The following CPNE8 variants were observed in gnomAD, a reference collection of about 807,000 sequenced individuals.
CPNE8 encodes the protein copine-8.
Under a neutral mutation model 81.5 loss-of-function variants are expected in CPNE8, and 45 were observed. The observed-to-expected ratio is 0.55, with a 90% CI of 0.44 to 0.71. The LOEUF is 0.71. Ranked by LOEUF, CPNE8 falls within the 30% of genes least tolerant of loss-of-function variation. The probability of loss-of-function intolerance (pLI) is 0.00; values close to 1 mark genes in which losing one functional copy is unlikely to be tolerated. For missense variants in CPNE8, 594 were observed against 672.1 expected, an observed-to-expected ratio of 0.88 and a Z score of 1.28; for synonymous variants, 252 against 226.3, an observed-to-expected ratio of 1.11 and a Z score of -1.02.
At chr12:38,765,589 G>C (rs553668440) in intron 8 of CPNE8, among the ~76,000 whole-genome samples, 1 of 152,126 alleles carries the variant, frequency 6.6e-6, no homozygotes, top group African/African-American at 2.4e-5. Context: ...AATAAAGCTA[G>C]AATCTTTGCA....
chr12:38,864,354 A>G (rs1003886950), intron 3 of CPNE8, among the ~76,000 whole-genome samples: 1 of 152,162 alleles, frequency 6.6e-6, no homozygotes, highest in African/African-American at 2.4e-5. Flanking sequence ...TACAGTAGCT[A>G]GAGAGACTAT....
At chr12:38,833,670 G>T (rs1479158514) in intron 5 of CPNE8, among the ~76,000 whole-genome samples, 1 of 151,774 alleles carries the variant, frequency 6.6e-6, no homozygotes, top group Non-Finnish European at 1.5e-5. Context: ...AGTAGAGACG[G>T]GGTTTCACCG....
chr12:38,754,623 A>G (rs932066478), intron 10 of CPNE8, among the ~76,000 whole-genome samples: 5 of 151,700 alleles, frequency 3.3e-5, no homozygotes, highest in African/African-American at 4.8e-5. Context: ...CACTTCAGGT[A>G]TACTAGATAC....
chr12:38,730,502 A>G, intron 10 of CPNE8, 144 bp from the exon 11 acceptor site: 1 of 471,848 alleles, frequency 2.1e-6, no homozygotes. Flanking sequence ...AAAATATTTA[A>G]AAGGACTAAT....
intron 6 of CPNE8, among the ~76,000 whole-genome samples, chr12:38,786,033 A>T (rs1942177761): frequency 6.6e-6 from 1 of 152,202 alleles, no homozygotes; most frequent in Non-Finnish European, 1.5e-5. Flanking sequence ...AAAAAATAAG[A>T]AAATGACAGG....
intron 1 of CPNE8, among the ~76,000 whole-genome samples, chr12:38,892,476 A>C (rs1229414649): frequency 6.6e-6 from 1 of 152,238 alleles, no homozygotes; most frequent in Non-Finnish European, 1.5e-5. Flanking sequence ...AGAAATGGAA[A>C]GGAGGTGACC....
chr12:38,773,479 A>T (rs868385596), intron 7 of CPNE8, among the ~76,000 whole-genome samples: 1 of 152,066 alleles, frequency 6.6e-6, no homozygotes, highest in African/African-American at 2.4e-5. Context: ...TATGCCAATT[A>T]TACCTAATAA....
At chr12:38,810,836 A>C (rs1228819131) in intron 6 of CPNE8, among the ~76,000 whole-genome samples, 1 of 152,004 alleles carries the variant, frequency 6.6e-6, no homozygotes, top group African/African-American at 2.4e-5. Flanking sequence ...GGCAAAATTC[A>C]TTTTCTTCTC....
At chr12:38,715,355 A>G (rs999326802) in intron 13 of CPNE8, among the ~76,000 whole-genome samples, 3 of 152,070 alleles carry the variant, frequency 2.0e-5, no homozygotes, top group Admixed American at 6.5e-5. Flanking sequence ...GTTGTTAATG[A>G]TATCTTACAT....
Position 38,829,455 on chromosome 12 carries a change from C to T in CPNE8, c.331G>A (p.Asp111Asn). ...GTACAAAACACTTGTCCCAGAAAGT[C>T]CTGAAATAGATAAAAAGATTAAAGC... ...DSKSPNLSKHDFLGQVFCTLG... is the reference protein window; with the variant it reads ...DSKSPNLSKHNFLGQVFCTLG... Residue 111 changes from aspartate to asparagine, a missense_variant and splice_region_variant, in exon 6 of 20, where the codon GAC becomes AAC. Physicochemically the swap from Asp to Asn is conservative, Grantham distance 23 (BLOSUM62 1). Transcript: ENST00000331366. The T allele has an allele frequency of 6.2e-7, 1 of 1,608,338 alleles. No individual in the cohort carries two copies.
intron 6 of CPNE8, among the ~76,000 whole-genome samples, chr12:38,793,270 A>T (rs1942372286): frequency 6.6e-6 from 1 of 151,734 alleles, no homozygotes; most frequent in Non-Finnish European, 1.5e-5. Flanking sequence ...GAAAATGAAG[A>T]AATAAAATTA....
At chr12:38,679,763 C>T in intron 16 of CPNE8, 4 of 862,416 alleles carry the variant, frequency 4.6e-6, no homozygotes, top group Non-Finnish European at 5.6e-6. Flanking sequence ...TTCTACTTAG[C>T]CTTTTATTTT....
intron 1 of CPNE8, among the ~76,000 whole-genome samples, chr12:38,897,590 A>T (rs972525339): frequency 6.6e-6 from 1 of 150,972 alleles, no homozygotes; most frequent in African/African-American, 2.4e-5. Flanking sequence ...TACAGGAAAA[A>T]TATTGTATAG....
At chr12:38,725,775 T>C (rs1178439325) in intron 11 of CPNE8, among the ~76,000 whole-genome samples, 1 of 152,088 alleles carries the variant, frequency 6.6e-6, no homozygotes, top group Non-Finnish European at 1.5e-5. Context: ...CAGAAGTGAA[T>C]CTGAAAAAAT....
chr12:38,737,015 G>A (rs1054838101), intron 10 of CPNE8, among the ~76,000 whole-genome samples: 1 of 151,892 alleles, frequency 6.6e-6, no homozygotes, highest in Non-Finnish European at 1.5e-5. Context: ...TCATTTTTTA[G>A]CTTGAACGCT....
intron 16 of CPNE8, among the ~76,000 whole-genome samples, chr12:38,678,644 A>G (rs1042492193): frequency 2.0e-5 from 3 of 151,944 alleles, no homozygotes; most frequent in Non-Finnish European, 4.4e-5. Flanking sequence ...GGCACAACTT[A>G]TTTCTTGAGT....
intron 6 of CPNE8, among the ~76,000 whole-genome samples, chr12:38,809,612 G>T (rs1942893632): frequency 6.6e-6 from 1 of 152,074 alleles, no homozygotes; most frequent in Non-Finnish European, 1.5e-5. Flanking sequence ...TTCACCCTTT[G>T]GCCTTCATGA....
intron 8 of CPNE8, among the ~76,000 whole-genome samples, chr12:38,764,212 A>T (rs1941629820): frequency 6.6e-6 from 1 of 152,164 alleles, no homozygotes; most frequent in African/African-American, 2.4e-5. Context: ...CTTGAAGGGT[A>T]ATGAAGATGT....
intron 6 of CPNE8, among the ~76,000 whole-genome samples, chr12:38,791,422 T>C (rs1474782085): frequency 6.6e-6 from 1 of 151,560 alleles, no homozygotes; most frequent in Non-Finnish European, 1.5e-5. Context: ...TACAGATTAA[T>C]GGCTAAGGTA....
Sources: allele counts gnomAD v4.1 joint callset (sites outside exome capture counted in the v4.1 genomes callset), GRCh38; gene constraint gnomAD v4.1.1; transcripts MANE v1.5; gene names NCBI Gene and HGNC (gene_info 2026-07-23, HGNC 2026-07-21).